Variants in USF3 observed in about 807,000 individuals in gnomAD.
The protein encoded by USF3 is upstream transcription factor family member 3, also known as basic helix-loop-helix domain-containing protein USF3.
Under a neutral mutation model 157.5 loss-of-function variants are expected in USF3, and 29 were observed. That is an observed-to-expected ratio of 0.18 (90% CI 0.14 to 0.25). The LOEUF (loss-of-function observed/expected upper bound fraction) is 0.25. Among genes scored for constraint, USF3 ranks in the 10% least tolerant of loss-of-function variants. The pLI, the probability that USF3 is intolerant of heterozygous loss-of-function variation, is 1.00. For missense variants in USF3, 2,381 were observed against 2,667.6 expected (o/e 0.89, Z 2.37); for synonymous variants, 893 against 941.4 (o/e 0.95, Z 0.94).
At chr3:113,671,470 T>C (rs960589920) in intron 4 of USF3, among the ~76,000 whole-genome samples, 2 of 152,196 alleles carry the variant, frequency 1.3e-5, no homozygotes, top group African/African-American at 4.8e-5. Flanking sequence ...CTCAATCAAC[T>C]GTGAAATGTT....
chr3:113,663,354 C>T (rs1266401998), intron 6 of USF3, among the ~76,000 whole-genome samples: 1 of 152,180 alleles, frequency 6.6e-6, no homozygotes, highest in Non-Finnish European at 1.5e-5. Flanking sequence ...TGTCTTACAT[C>T]CCTTCTGTGG....
intron 3 of USF3, among the ~76,000 whole-genome samples, chr3:113,674,350 CT>C (rs895350831): frequency 9.4e-5 from 14 of 149,114 alleles, no homozygotes; most frequent in Non-Finnish European, 1.3e-4. Context: ...AATTTTTTTT[CT>C]TTTTTTTTTC....
Position 113,652,157 on chromosome 3 carries a change from C to CA in USF3, c.*2786dup, listed in dbSNP as rs1947274889. On this transcript the variant is annotated 3_prime_UTR_variant, in exon 7 of 7. Coordinates refer to ENST00000316407, the MANE Select transcript of USF3 (RefSeq NM_001009899.4). Reference sequence around the variant, plus strand: ...TGTGTGTGTATATGTGTATGAGAGACAGAGACAGAGGCAGTGAGAGACAGA... The same window carrying CA: ...TGTGTGTGTATATGTGTATGAGAGACAAGAGACAGAGGCAGTGAGAGACAGA... The CA allele has an allele frequency of 7.1e-6, 1 of 140,922 alleles. No individual in the cohort carries two copies. Among genetic ancestry groups the CA allele is most frequent in the Non-Finnish European group, 1.6e-5 (1 of 64,056 alleles). The allele number at this position is 140,922 out of a possible 1,614,324, so 8.7% of individuals were successfully genotyped here. A position where few individuals can be genotyped will look rare whatever the true frequency, so the allele number is the denominator to read the frequency against.
At chr3:113,695,035 ACT>A (rs1271850811) in intron 1 of USF3, among the ~76,000 whole-genome samples, 10 of 151,856 alleles carry the variant, frequency 6.6e-5, no homozygotes, top group Admixed American at 5.9e-4. Flanking sequence ...ACAGAGTGAG[ACT>A]CTGTCTCAAA....
In USF3 at chr3:113,653,820, C is replaced by A. The variant is rs1390793660; in HGVS notation, c.*1124G>T. The A allele has an allele frequency of 1.3e-5, 2 of 151,644 alleles. No individual in the cohort carries two copies. Among genetic ancestry groups the A allele is most frequent in the Non-Finnish European group, 2.9e-5 (2 of 67,946 alleles). The allele number at this position is 151,644 out of a possible 1,614,324, so 9.4% of individuals were successfully genotyped here. ...TGAAGCACCATTTCACATCTACCAACAAGAAAAATAACAAATTCATATTCT... is the reference window on the plus strand; with the variant it reads ...TGAAGCACCATTTCACATCTACCAAAAAGAAAAATAACAAATTCATATTCT... On this transcript the variant is annotated 3_prime_UTR_variant, in exon 7 of 7. Transcript: ENST00000316407.
At chr3:113,672,814 A>G (rs1232483815) in intron 4 of USF3, among the ~76,000 whole-genome samples, 3 of 152,198 alleles carry the variant, frequency 2.0e-5, no homozygotes, top group African/African-American at 7.2e-5. Flanking sequence ...TTCCAAATGT[A>G]TGCACAATTA....
chr3:113,683,509 G>A lies in USF3; in HGVS notation c.-134-6112C>T, dbSNP rs529974063. Among the ~76,000 whole-genome samples, 507 of 114,694 alleles carry A rather than the reference G, an allele frequency of 4.4e-3. 3 individuals are homozygous for A. The highest frequency in any genetic ancestry group is 0.016 in the African/African-American group (475 of 29,254). 75.2% of individuals were successfully genotyped at this position (114,694 alleles called of 152,430 possible). ...TTTTGAGATGGAGTCTCGCTCTGTC[G>A]CCAGGCTGGAGTACAGTGGTGCAAT... On this transcript the variant is annotated intron_variant, in intron 1 of 6. Transcript: ENST00000316407.
At chr3:113,688,867 C>T (rs528362887) in intron 1 of USF3, among the ~76,000 whole-genome samples, 9 of 151,960 alleles carry the variant, frequency 5.9e-5, no homozygotes, top group Admixed American at 2.6e-4. Flanking sequence ...GGTGAAACCC[C>T]GTCTCTACTG....
intron 3 of USF3, 131 bp from the exon 4 acceptor site, chr3:113,673,507 A>T: frequency 1.6e-6 from 1 of 613,420 alleles, no homozygotes; most frequent in Non-Finnish European, 2.9e-6. Flanking sequence ...AAACAATCTG[A>T]AGAAACATTT....
At chr3:113,666,217 C>T (rs891428128) in intron 5 of USF3, among the ~76,000 whole-genome samples, 3 of 146,108 alleles carry the variant, frequency 2.1e-5, no homozygotes, top group African/African-American at 7.5e-5. Flanking sequence ...TATATATTTG[C>T]GATACTTCCA....
chr3:113,684,272 C>T (rs1707499815), intron 1 of USF3, among the ~76,000 whole-genome samples: 1 of 152,014 alleles, frequency 6.6e-6, no homozygotes, highest in South Asian at 2.1e-4. Context: ...CCTTGCTGCT[C>T]TTAGGATCCT....
chr3:113,694,296 AGT>A lies in USF3; in HGVS notation c.-135+2072_-135+2073del, dbSNP rs566691117. The stretch of plus-strand genomic sequence containing the variant: ...TGAGTTAAAAATTCTCAGTTTTCTT[AGT>A]GTTTCTTTTCCCTTGTTGACAAGGC... On this transcript the variant is annotated intron_variant, in intron 1 of 6. Transcript: ENST00000316407. Among the ~76,000 whole-genome samples the A allele has an allele frequency of 2.1e-3, 322 of 152,332 alleles. 2 individuals carry two copies. Among genetic ancestry groups the A allele is most frequent in the South Asian group, 5.6e-3 (27 of 4,830 alleles).
At chr3:113,694,059 A>C (rs1707749576) in intron 1 of USF3, among the ~76,000 whole-genome samples, 1 of 152,258 alleles carries the variant, frequency 6.6e-6, no homozygotes, top group Non-Finnish European at 1.5e-5. Flanking sequence ...CTCCAGATCA[A>C]AAATAAGAGA....
chr3:113,677,332 C>T lies in USF3; in HGVS notation c.-69G>A, dbSNP rs902028677. On this transcript the variant is annotated 5_prime_UTR_variant, in exon 2 of 7. Coordinates refer to ENST00000316407, the MANE Select transcript of USF3 (RefSeq NM_001009899.4). ...TTTTGATTCCTGGCTTCCAATGCCT[C>T]CCGTTTCTGATCCAAATGTATCATC... The T allele has an allele frequency of 2.0e-5, 3 of 152,194 alleles. No homozygotes were observed. Among genetic ancestry groups the T allele is most frequent in the African/African-American group, 7.2e-5 (3 of 41,440 alleles). The allele number at this position is 152,194 out of a possible 1,614,324, so 9.4% of individuals were successfully genotyped here.
In USF3 at chr3:113,660,326, A is replaced by G; in HGVS notation, c.1356T>C (p.Ser452=). The G allele has an allele frequency of 6.2e-7, 1 of 1,614,236 alleles. No individual in the cohort carries two copies. The highest frequency in any genetic ancestry group is 8.5e-7 in the Non-Finnish European group (1 of 1,180,034). ...ACTCATTTAATACTGGAGTCACAGC[A>G]GAAGATGGTGTCTGGCTTAAGGGCT... ...TIQPLSQTPS[S]AVTPVLNESG... is the part of the protein sequence containing the mutation. Residue 452 remains serine (S), a synonymous_variant, in exon 7 of 7, where the codon TCT becomes TCC. Coordinates refer to ENST00000316407, the MANE Select transcript of USF3 (RefSeq NM_001009899.4).
Position 113,655,425 on chromosome 3 carries a change from T to C in USF3, c.6257A>G (p.Gln2086Arg), listed in dbSNP as rs765278691. 1.2e-6 allele frequency: 2 copies of C among 1,614,176 alleles called. No individual in the cohort carries two copies. The highest frequency in any genetic ancestry group is 3.3e-5 in the Admixed American group (2 of 60,018). Residue 2086 changes from glutamine (Q) to arginine (R), a missense_variant, in exon 7 of 7, where the codon CAG becomes CGG. By Grantham distance (43) the Gln-to-Arg change is conservative (BLOSUM62 1). Coordinates refer to ENST00000316407, the MANE Select transcript of USF3 (RefSeq NM_001009899.4). ...TCGAGTGGCACTAGGCTGAGTAACCTGTGGAATGAAAGAAGCATTAGCATT... is the reference window on the plus strand; with the variant it reads ...TCGAGTGGCACTAGGCTGAGTAACCCGTGGAATGAAAGAAGCATTAGCATT... ...PINANASFIP[Q>R]VTQPSATRTP... is the part of the protein sequence containing the mutation.
chr3:113,663,528 T>C (rs1052799901), intron 6 of USF3, among the ~76,000 whole-genome samples: 1 of 152,200 alleles, frequency 6.6e-6, no homozygotes, highest in South Asian at 2.1e-4. Flanking sequence ...CTAGGTAGGC[T>C]TTCCAATATC....
chr3:113,686,700 C>T (rs1707555832), intron 1 of USF3, among the ~76,000 whole-genome samples: 1 of 152,224 alleles, frequency 6.6e-6, no homozygotes. Context: ...TGCTTGTGAT[C>T]TATACATGAC....
intron 5 of USF3, 91 bp downstream of exon 5, chr3:113,670,030 A>C (rs1707111999): frequency 1.2e-6 from 1 of 814,862 alleles, no homozygotes. Flanking sequence ...TAGAAATAGA[A>C]AGCAACAAAA....
Sources: gnomAD v4.1 joint callset for allele counts (sites outside exome capture counted in the v4.1 genomes callset) on GRCh38, gnomAD v4.1.1 for gene constraint, MANE v1.5 for transcripts, NCBI Gene and HGNC (gene_info 2026-07-23, HGNC 2026-07-21) for gene names.